B3GALT1: variants seen among roughly 807,000 people sequenced by gnomAD.
B3GALT1 encodes the protein beta-1,3-galactosyltransferase 1, also known as UDP-Gal:betaGlcNAc beta 1,3-galactosyltransferase, polypeptide 1.
A neutral mutation model predicts 23.2 loss-of-function variants in B3GALT1; 10 were observed. The observed-to-expected ratio is 0.43, with a 90% CI of 0.27 to 0.73. The LOEUF is 0.73. Among genes scored for constraint, B3GALT1 ranks in the 30% least tolerant of loss-of-function variants. The pLI is 0.21. For missense variants in B3GALT1, 299 were observed against 405.4 expected (o/e 0.74, Z 2.25); for synonymous variants, 156 against 141.5 (o/e 1.10, Z -0.73).
chr2:167,758,571 T>A (rs907648336), intron 3 of B3GALT1, among the ~76,000 whole-genome samples: 4 of 152,120 alleles, frequency 2.6e-5, no homozygotes, highest in African/African-American at 9.7e-5. Context: ...TTGACATTGC[T>A]GCCTCCGATG....
intron 1 of B3GALT1, among the ~76,000 whole-genome samples, chr2:167,394,582 A>G (rs1698066790): frequency 6.6e-6 from 1 of 151,936 alleles, no homozygotes; most frequent in Middle Eastern, 3.2e-3. Flanking sequence ...TTTTACTAGG[A>G]GCAATTTGAT....
chr2:167,425,329 G>A (rs1321320893), intron 1 of B3GALT1, among the ~76,000 whole-genome samples: 4 of 152,048 alleles, frequency 2.6e-5, no homozygotes, highest in African/African-American at 9.7e-5. Flanking sequence ...TCATACTTTT[G>A]TCATATTTGT....
At chr2:167,408,058 ACACACACACACAC>A (rs1698330850) in intron 1 of B3GALT1, among the ~76,000 whole-genome samples, 1 of 150,522 alleles carries the variant, frequency 6.6e-6, no homozygotes, top group South Asian at 2.1e-4. Context: ...ACACACACAC[ACACACACACACAC>A]AGACACACAA....
rs62196733 is a variant in B3GALT1 at position 167,651,296 on chromosome 2, G to A, written c.-352+4330G>A. On this transcript the variant is annotated intron_variant, in intron 3 of 4. Coordinates refer to ENST00000392690, the MANE Select transcript of B3GALT1 (RefSeq NM_020981.4). ...TGCGCGCACGTGCACACATGTGTGCGTGAGAAAGAGAAAAATAGACACTTT... is the reference window on the plus strand; with the variant it reads ...TGCGCGCACGTGCACACATGTGTGCATGAGAAAGAGAAAAATAGACACTTT... Among the ~76,000 whole-genome samples the A allele has an allele frequency of 2.0e-3, 300 of 151,654 alleles. 2 individuals carry two copies. Among genetic ancestry groups the A allele is most frequent in the Middle Eastern group, 6.8e-3 (2 of 294 alleles).
intron 1 of B3GALT1, among the ~76,000 whole-genome samples, chr2:167,316,424 C>T (rs1442963363): frequency 1.3e-5 from 2 of 152,086 alleles, no homozygotes; most frequent in East Asian, 3.9e-4. Flanking sequence ...AATATTTTGC[C>T]ATCACACCTG....
intron 2 of B3GALT1, among the ~76,000 whole-genome samples, chr2:167,626,471 G>A (rs1383646001): frequency 6.6e-6 from 1 of 151,708 alleles, no homozygotes; most frequent in Non-Finnish European, 1.5e-5. Context: ...GAATTTGGGT[G>A]TCTGGATAAC....
intron 3 of B3GALT1, among the ~76,000 whole-genome samples, chr2:167,724,558 T>C (rs965178697): frequency 6.6e-6 from 1 of 152,232 alleles, no homozygotes; most frequent in African/African-American, 2.4e-5. Context: ...AGCTTTTTAC[T>C]ATATGGGTTA....
intron 1 of B3GALT1, among the ~76,000 whole-genome samples, chr2:167,453,667 A>AC (rs1699123206): frequency 6.6e-6 from 1 of 152,234 alleles, no homozygotes; most frequent in Non-Finnish European, 1.5e-5. Context: ...TAAAAACTGA[A>AC]CAAGTGCCAA....
chr2:167,512,622 G>GTATATATA (rs1491336747), intron 2 of B3GALT1, among the ~76,000 whole-genome samples: 3 of 42,374 alleles, frequency 7.1e-5, no homozygotes, highest in African/African-American at 6.2e-4. Flanking sequence ...ATATATATAC[G>GTATATATA]TGTATATATA....
intron 1 of B3GALT1, among the ~76,000 whole-genome samples, chr2:167,370,594 G>T (rs1697666744): frequency 1.3e-5 from 2 of 152,240 alleles, no homozygotes; most frequent in South Asian, 2.1e-4. Flanking sequence ...AAGACATTGA[G>T]ATGGAGTAGG....
At chr2:167,634,613 A>G (rs1685515687) in intron 2 of B3GALT1, among the ~76,000 whole-genome samples, 1 of 152,158 alleles carries the variant, frequency 6.6e-6, no homozygotes, top group South Asian at 2.1e-4. Flanking sequence ...AAACTTATAA[A>G]TTCCTGGACA....
At chr2:167,807,823 T>G (rs1427406794) in intron 3 of B3GALT1, among the ~76,000 whole-genome samples, 1 of 152,240 alleles carries the variant, frequency 6.6e-6, no homozygotes, top group African/African-American at 2.4e-5. Context: ...TGTAGATATC[T>G]ATTAGGTCTG....
At chr2:167,534,203 A>G (rs1307608772) in intron 2 of B3GALT1, among the ~76,000 whole-genome samples, 1 of 152,098 alleles carries the variant, frequency 6.6e-6, no homozygotes, top group Non-Finnish European at 1.5e-5. Context: ...CTCCGAAGAC[A>G]TTGCTTTCTC....
intron 4 of B3GALT1, among the ~76,000 whole-genome samples, chr2:167,853,185 C>A (rs1166849119): frequency 6.6e-6 from 1 of 152,122 alleles, no homozygotes; most frequent in Non-Finnish European, 1.5e-5. Flanking sequence ...CCTCCCTTCG[C>A]ATTCTCAGTT....
At position 167,740,223 on chromosome 2, in the gene B3GALT1, G is replaced by A. The variant is rs931190533; in HGVS notation, c.-351-78449G>A. 6.8e-4 allele frequency among the ~76,000 whole-genome samples: 103 copies of A among 152,170 alleles called. 1 individual carries two copies. The highest frequency in any genetic ancestry group is 2.4e-3 in the African/African-American group (99 of 41,546). The stretch of plus-strand genomic sequence containing the variant: ...AGGATAAATGGAACACATTTAATAG[G>A]TTCTCTGAGGGGTCTACTTTTTTAC... On this transcript the variant is annotated intron_variant, in intron 3 of 4. Coordinates refer to ENST00000392690, the MANE Select transcript of B3GALT1 (RefSeq NM_020981.4).
intron 3 of B3GALT1, among the ~76,000 whole-genome samples, chr2:167,741,656 C>G (rs1198689683): frequency 1.3e-5 from 2 of 152,152 alleles, no homozygotes; most frequent in Non-Finnish European, 2.9e-5. Flanking sequence ...CTTCAGGTCC[C>G]CAGCCCTTGT....
chr2:167,363,017 G>A (rs1451391704), intron 1 of B3GALT1, among the ~76,000 whole-genome samples: 1 of 151,748 alleles, frequency 6.6e-6, no homozygotes, highest in Non-Finnish European at 1.5e-5. Context: ...CACCACGCCC[G>A]GCTAATTTTT....
At chr2:167,310,227 A>T (rs977270821) in intron 1 of B3GALT1, among the ~76,000 whole-genome samples, 5 of 151,958 alleles carry the variant, frequency 3.3e-5, no homozygotes, top group African/African-American at 1.2e-4. Flanking sequence ...TCAACAGGGC[A>T]CATTATTTTC....
intron 3 of B3GALT1, among the ~76,000 whole-genome samples, chr2:167,739,049 G>C (rs1424801847): frequency 1.3e-5 from 2 of 152,128 alleles, no homozygotes; most frequent in Non-Finnish European, 2.9e-5. Context: ...GTCAATTCCA[G>C]TACATATTCC....
Sources: gnomAD v4.1 joint callset for allele counts (sites outside exome capture counted in the v4.1 genomes callset) on GRCh38, gnomAD v4.1.1 for gene constraint, MANE v1.5 for transcripts, NCBI Gene and HGNC (gene_info 2026-07-23, HGNC 2026-07-21) for gene names.